Variants in SLC17A8 observed in about 807,000 individuals in gnomAD.
SLC17A8 encodes solute carrier family 17 member 8.
SLC17A8 carries 31 observed loss-of-function variants against 58.0 expected under a neutral mutation model. The observed-to-expected ratio is 0.53, with a 90% CI of 0.40 to 0.72. SLC17A8 has a LOEUF of 0.72. Ranked by LOEUF, SLC17A8 falls within the 30% of genes least tolerant of loss-of-function variation. The pLI is 0.00. For synonymous variants in SLC17A8, 228 were observed against 249.0 expected (o/e 0.92, Z 0.79); for missense variants, 655 against 727.8 (o/e 0.90, Z 1.15).
At chr12:100,370,636 C>G (rs1035130803) in intron 1 of SLC17A8, among the ~76,000 whole-genome samples, 28 of 137,202 alleles carry the variant, frequency 2.0e-4, no homozygotes, top group African/African-American at 8.0e-4. Flanking sequence ...AAAAAAAAAG[C>G]AAAGACCCAT....
intron 1 of SLC17A8, among the ~76,000 whole-genome samples, chr12:100,372,556 A>G (rs1177423520): frequency 6.6e-6 from 1 of 152,104 alleles, no homozygotes; most frequent in Non-Finnish European, 1.5e-5. Context: ...ATATTAGATG[A>G]GGGCCCACCC....
chr12:100,400,998 CTTTTTTTTTTTT>C (rs4015907), intron 5 of SLC17A8, among the ~76,000 whole-genome samples: 1 of 113,074 alleles, frequency 8.8e-6, no homozygotes, highest in African/African-American at 3.3e-5. Flanking sequence ...CACCCCTCAC[CTTTTTTTTTTTT>C]TTTTTTTTTG....
chr12:100,402,683 T>C lies in SLC17A8; in HGVS notation c.991T>C (p.Tyr331His), dbSNP rs1243330452. ...AAATTTTTGCAGAAGCTGGACCTTT[T>C]ATTTGCTCCTCATAAGTCAGCCTGC... ...VANFCRSWTFYLLLISQPAYF... is the reference protein window; with the variant it reads ...VANFCRSWTFHLLLISQPAYF... Residue 331 changes from tyrosine to histidine, a missense_variant, in exon 8 of 12, where the codon TAT (tyrosine) becomes CAT (histidine). By Grantham distance (83) the Tyr-to-His change is moderately conservative. Transcript: ENST00000323346. 6.2e-7 allele frequency: 1 copy of C among 1,614,158 alleles called. No homozygotes were observed. The highest frequency in any genetic ancestry group is 8.5e-7 in the Non-Finnish European group (1 of 1,180,002).
chr12:100,377,445 G>A (rs1952601869), intron 1 of SLC17A8, among the ~76,000 whole-genome samples: 1 of 151,806 alleles, frequency 6.6e-6, no homozygotes, highest in Admixed American at 6.6e-5. Flanking sequence ...AGTCCAGGGA[G>A]TTTAAGTAAT....
At chr12:100,363,234 C>T (rs115279791) in intron 1 of SLC17A8, among the ~76,000 whole-genome samples, 59 of 152,310 alleles carry the variant, frequency 3.9e-4, no homozygotes, top group African/African-American at 1.4e-3. Flanking sequence ...AGAGCCTAAG[C>T]TGAAGAGATG....
chr12:100,388,363 G>A (rs1327257062), intron 2 of SLC17A8, among the ~76,000 whole-genome samples: 2 of 152,026 alleles, frequency 1.3e-5, no homozygotes, highest in African/African-American at 4.8e-5. Context: ...ATCTCCACTG[G>A]CATCTTCAAA....
chr12:100,401,869 T>C lies in SLC17A8; in HGVS notation c.763+6T>C, dbSNP rs754697331. ...CTCTGTCTTTTATATTTATGGTGAG[T>C]GATTTGACTTCACAAGTTCACATGT... On this transcript the variant is annotated splice_donor_region_variant and intron_variant, in intron 6 of 11. Transcript: ENST00000323346. 1.2e-6 allele frequency: 2 copies of C among 1,610,458 alleles called. No homozygotes were observed. The highest frequency in any genetic ancestry group is 1.7e-4 in the Middle Eastern group (1 of 6,054).
At chr12:100,377,600 T>G (rs1318963305) in intron 1 of SLC17A8, among the ~76,000 whole-genome samples, 2 of 141,268 alleles carry the variant, frequency 1.4e-5, no homozygotes, top group African/African-American at 5.2e-5. Context: ...TTTTTTTTTT[T>G]TTTTTTTTGA....
intron 1 of SLC17A8, among the ~76,000 whole-genome samples, chr12:100,365,991 G>C (rs1952517807): frequency 6.6e-6 from 1 of 150,780 alleles, no homozygotes; most frequent in Admixed American, 6.6e-5. Flanking sequence ...ATCAAGACAG[G>C]CAAGCTATGT....
chr12:100,406,961 A>G (rs938350516), intron 9 of SLC17A8, among the ~76,000 whole-genome samples: 1 of 152,200 alleles, frequency 6.6e-6, no homozygotes, highest in Admixed American at 6.5e-5. Context: ...TGAGGTGGCA[A>G]TGGAGATGGA....
chr12:100,370,998 A>C (rs1187843220), intron 1 of SLC17A8, among the ~76,000 whole-genome samples: 1 of 152,216 alleles, frequency 6.6e-6, no homozygotes, highest in African/African-American at 2.4e-5. Flanking sequence ...CTGTGGGAGC[A>C]TTGACTGGGC....
At chr12:100,391,164 C>A in intron 3 of SLC17A8, 45 bp downstream of exon 3, 1 of 1,338,612 alleles carries the variant, frequency 7.5e-7, no homozygotes, top group Non-Finnish European at 1.1e-6. Flanking sequence ...TGAAATGTGG[C>A]TTTGTACCTA....
chr12:100,417,666 G>T (rs776452576), intron 10 of SLC17A8, among the ~76,000 whole-genome samples: 13 of 152,178 alleles, frequency 8.5e-5, no homozygotes, highest in African/African-American at 1.4e-4. Flanking sequence ...GCAAGGTTTG[G>T]TCTAGTCATA....
rs1307454163 is a variant in SLC17A8, at chr12:100,396,356, G to T, written c.615G>T (p.Gly205=). 1 of 1,614,154 alleles carries T rather than the reference G, an allele frequency of 6.2e-7. No homozygotes were observed. Among genetic ancestry groups the T allele is most frequent in the Non-Finnish European group, 8.5e-7 (1 of 1,180,036 alleles). Residue 205 remains glycine, a synonymous_variant, in exon 5 of 12, where the codon GGG becomes GGT. Coordinates refer to ENST00000323346, the MANE Select transcript of SLC17A8 (RefSeq NM_139319.3). The part of the protein sequence containing the change: ...VEGVTYPACH[G]MWSKWAPPLE... ...GTGTGACCTACCCAGCCTGCCATGG[G>T]ATGTGGAGTAAGTGGGCACCACCTT... is the stretch of plus-strand genomic sequence containing the variant.
chr12:100,379,434 CCAA>C (rs1952617481), intron 1 of SLC17A8, among the ~76,000 whole-genome samples: 3 of 137,390 alleles, frequency 2.2e-5, no homozygotes, highest in Non-Finnish European at 4.7e-5. Context: ...GATTCCGTCC[CCAA>C]AAAAAAAAAA....
At chr12:100,409,163 A>G (rs1952847902) in intron 9 of SLC17A8, among the ~76,000 whole-genome samples, 2 of 149,220 alleles carry the variant, frequency 1.3e-5, no homozygotes, top group Admixed American at 1.3e-4. Context: ...GTATGTATGT[A>G]TGTATGTATG....
intron 2 of SLC17A8, among the ~76,000 whole-genome samples, chr12:100,388,229 C>T (rs899136851): frequency 2.6e-5 from 4 of 152,086 alleles, no homozygotes; most frequent in Admixed American, 6.6e-5. Context: ...CTTCCCTGGC[C>T]GTTCTATCTA....
rs557259094 is a variant in SLC17A8, at chr12:100,371,598, G to A, written c.102-9103G>A. Among the ~76,000 whole-genome samples, 3 of 152,286 alleles carry A rather than the reference G, an allele frequency of 2.0e-5. No individual in the cohort carries two copies. The East Asian group carries it at 5.8e-4, about 29-fold the overall frequency. ...TTTTTTAAGTCAGAGTTCTCACTCT[G>A]TCACCCAGGCTGGAGTGCAGTTCAC... On this transcript the variant is annotated intron_variant, in intron 1 of 11. Transcript: ENST00000323346.
intron 2 of SLC17A8, among the ~76,000 whole-genome samples, chr12:100,384,161 G>A (rs943770376): frequency 6.6e-6 from 1 of 152,180 alleles, no homozygotes; most frequent in Non-Finnish European, 1.5e-5. Context: ...TGGATTGTGG[G>A]CCCTGTAGGA....
Sources: allele counts gnomAD v4.1 joint callset (sites outside exome capture counted in the v4.1 genomes callset), GRCh38; gene constraint gnomAD v4.1.1; transcripts MANE v1.5; gene names NCBI Gene and HGNC (gene_info 2026-07-23, HGNC 2026-07-21).